PSMA2: variants seen among roughly 807,000 people sequenced by gnomAD.
The protein encoded by PSMA2 is proteasome 20S subunit alpha 2.
PSMA2 carries 2 observed loss-of-function variants against 35.9 expected under a neutral mutation model. That is an observed-to-expected ratio of 0.06 (90% CI 0.02 to 0.18). PSMA2 has a LOEUF of 0.18. PSMA2 is among the 10% of genes least tolerant of loss of function. PSMA2 has a pLI of 1.00. For missense variants in PSMA2, 126 were observed against 278.8 expected (o/e 0.45, Z 3.90); for synonymous variants, 97 against 98.2 (o/e 0.99, Z 0.07).
At chr7:42,925,716 C>G (rs966672777) in intron 3 of PSMA2, among the ~76,000 whole-genome samples, 2 of 152,194 alleles carry the variant, frequency 1.3e-5, no homozygotes, top group African/African-American at 4.8e-5. Flanking sequence ...GAAATATGCA[C>G]ATTTTCCCTC....
chr7:42,919,373 G>A (rs1786088078), intron 6 of PSMA2: 4 of 571,442 alleles, frequency 7.0e-6, no homozygotes, highest in African/African-American at 1.9e-5. Context: ...ATTTCATGCA[G>A]GATAGTAATT....
At chr7:42,924,551 G>T in intron 4 of PSMA2, 124 bp downstream of exon 4, 1 of 965,888 alleles carries the variant, frequency 1.0e-6, no homozygotes, top group Non-Finnish European at 1.5e-6. Flanking sequence ...ATTCATCATA[G>T]TGATTCTGTC....
At position 42,924,756 on chromosome 7, in the gene PSMA2, T is replaced by C. The variant is rs768563334; in HGVS notation, c.293A>G (p.Tyr98Cys). Reference sequence around the variant, plus strand: ...AGGAATGGGTTCTTGGTACACAAGATAGTATTGTTGAGCTAGTTTTCGAGC... The same window carrying C: ...AGGAATGGGTTCTTGGTACACAAGACAGTATTGTTGAGCTAGTTTTCGAGC... ...HRARKLAQQYYLVYQEPIPTA... is the reference protein window; with the variant it reads ...HRARKLAQQYCLVYQEPIPTA... The change falls in exon 4 of 8, where the codon TAT (tyrosine) becomes TGT (cysteine). Residue 98 changes from tyrosine to cysteine, a missense_variant. By Grantham distance (194) the Tyr-to-Cys change is radical. Coordinates refer to ENST00000223321, the MANE Select transcript of PSMA2 (RefSeq NM_002787.5). The C allele has an allele frequency of 1.9e-6, 3 of 1,613,042 alleles. No homozygotes were observed. Among genetic ancestry groups the C allele is most frequent in the Non-Finnish European group, 2.5e-6 (3 of 1,179,388 alleles).
intron 1 of PSMA2, among the ~76,000 whole-genome samples, chr7:42,928,421 C>T (rs1786246685): frequency 6.6e-6 from 1 of 152,162 alleles, no homozygotes; most frequent in Non-Finnish European, 1.5e-5. Flanking sequence ...ATATCACTCA[C>T]AATTAAGTAT....
At chr7:42,929,257 C>T (rs1443569353) in intron 1 of PSMA2, among the ~76,000 whole-genome samples, 1 of 152,172 alleles carries the variant, frequency 6.6e-6, no homozygotes, top group Admixed American at 6.5e-5. Context: ...AGCAGAATAA[C>T]ATCAACTGAC....
chr7:42,928,104 C>A (rs144912363), intron 1 of PSMA2, among the ~76,000 whole-genome samples: 236 of 152,338 alleles, frequency 1.5e-3, no homozygotes, highest in African/African-American at 5.4e-3. Flanking sequence ...GTAACCACAA[C>A]TGGTTTTCCG....
intron 5 of PSMA2, among the ~76,000 whole-genome samples, chr7:42,922,454 A>G (rs1786141029): frequency 6.6e-6 from 1 of 152,196 alleles, no homozygotes; most frequent in Non-Finnish European, 1.5e-5. Context: ...TATGTTTTAA[A>G]TGAAAACAAT....
At chr7:42,930,242 C>T (rs1415759441) in intron 1 of PSMA2, among the ~76,000 whole-genome samples, 2 of 150,886 alleles carry the variant, frequency 1.3e-5, no homozygotes, top group Non-Finnish European at 3.0e-5. Context: ...CACACACACA[C>T]ACACACAAGT....
intron 4 of PSMA2, among the ~76,000 whole-genome samples, chr7:42,924,221 G>T (rs886791605): frequency 1.3e-5 from 2 of 151,152 alleles, no homozygotes; most frequent in Admixed American, 1.3e-4. Flanking sequence ...GCTAAGCATG[G>T]TGATGCACGC....
intron 1 of PSMA2, among the ~76,000 whole-genome samples, chr7:42,931,590 C>T (rs1562704162): frequency 1.3e-5 from 2 of 151,954 alleles, no homozygotes; most frequent in Non-Finnish European, 2.9e-5. Context: ...CCTTATGTTT[C>T]TAATTCGTGC....
chr7:42,928,149 T>C (rs1786242445), intron 1 of PSMA2, among the ~76,000 whole-genome samples: 1 of 152,204 alleles, frequency 6.6e-6, no homozygotes, highest in Non-Finnish European at 1.5e-5. Context: ...CTACAGGACT[T>C]GAATACGCCC....
intron 1 of PSMA2, 23 bp from the exon 2 acceptor site, chr7:42,927,482 G>T: frequency 1.9e-6 from 3 of 1,598,254 alleles, no homozygotes; most frequent in Non-Finnish European, 2.6e-6. Context: ...ACAGGTATTT[G>T]TAAGTTCACA....
intron 1 of PSMA2, among the ~76,000 whole-genome samples, chr7:42,929,970 A>G (rs1786271487): frequency 6.6e-6 from 1 of 152,198 alleles, no homozygotes; most frequent in Non-Finnish European, 1.5e-5. Context: ...TACTCAATCT[A>G]AAGTCATATT....
intron 3 of PSMA2, 125 bp from the exon 4 acceptor site, chr7:42,924,922 G>T: frequency 2.4e-6 from 2 of 844,642 alleles, no homozygotes; most frequent in Non-Finnish European, 3.4e-6. Context: ...GGTGGCTATT[G>T]GATCAAAGCT....
chr7:42,929,526 C>T (rs1369216320), intron 1 of PSMA2, among the ~76,000 whole-genome samples: 1 of 152,166 alleles, frequency 6.6e-6, no homozygotes, highest in African/African-American at 2.4e-5. Context: ...GAGCAATCAA[C>T]CATCTTTATA....
chr7:42,923,531 A>G (rs1786159248), intron 4 of PSMA2, 125 bp from the exon 5 acceptor site: 1 of 696,572 alleles, frequency 1.4e-6, no homozygotes, highest in Non-Finnish European at 2.5e-6. Flanking sequence ...TAAGTTCCTT[A>G]GAAAGTATTT....
chr7:42,927,590 C>A (rs750287836), intron 1 of PSMA2, 131 bp from the exon 2 acceptor site: 3 of 827,470 alleles, frequency 3.6e-6, no homozygotes, highest in Non-Finnish European at 5.9e-6. Flanking sequence ...GGCCTTTGAC[C>A]TCTATCATGA....
chr7:42,919,238 AT>A, intron 6 of PSMA2: 1 of 620,160 alleles, frequency 1.6e-6, no homozygotes, highest in Admixed American at 1.9e-5. Flanking sequence ...GCTGTCTGGA[AT>A]GCAACACTGA....
intron 1 of PSMA2, 149 bp downstream of exon 1, chr7:42,931,969 G>A (rs1322158073): frequency 6.5e-6 from 7 of 1,071,398 alleles, no homozygotes; most frequent in Non-Finnish European, 9.9e-6. Context: ...GGTCGGCCTG[G>A]CAAATGACTT....
Sources: allele counts gnomAD v4.1 joint callset (sites outside exome capture counted in the v4.1 genomes callset), GRCh38; gene constraint gnomAD v4.1.1; transcripts MANE v1.5; gene names NCBI Gene and HGNC (gene_info 2026-07-23, HGNC 2026-07-21).